Variants in TBC1D23 observed in about 807,000 individuals in gnomAD.
The protein encoded by TBC1D23 is TBC1 domain family member 23, also known as HCV non-structural protein 4A-transactivated protein 1.
A neutral mutation model predicts 91.4 loss-of-function variants in TBC1D23; 55 were observed. That is an observed-to-expected ratio of 0.60 (90% CI 0.48 to 0.75). TBC1D23 has a LOEUF of 0.75. Ranked by LOEUF, TBC1D23 falls within the 30% of genes least tolerant of loss-of-function variation. TBC1D23 has a pLI of 0.00. For synonymous variants in TBC1D23, 289 were observed against 281.0 expected, an observed-to-expected ratio of 1.03 and a Z score of -0.28; for missense variants, 725 against 836.1, an observed-to-expected ratio of 0.87 and a Z score of 1.64.
At chr3:100,269,698 A>G (rs554627794) in intron 1 of TBC1D23, among the ~76,000 whole-genome samples, 1 of 152,330 alleles carries the variant, frequency 6.6e-6, no homozygotes, top group East Asian at 1.9e-4. Context: ...AGAACTAATT[A>G]AGGAGTTTTG....
At position 100,283,669 on chromosome 3, in the gene TBC1D23, A is replaced by G; in HGVS notation, c.334A>G (p.Thr112Ala). 1 of 1,613,622 alleles carries G rather than the reference A, an allele frequency of 6.2e-7. No individual in the cohort carries two copies. The highest frequency in any genetic ancestry group is 8.5e-7 in the Non-Finnish European group (1 of 1,179,514). Residue 112 changes from threonine (T) to alanine (A), a missense_variant, in exon 4 of 19, where the codon ACC (threonine) becomes GCC (alanine). Thr to Ala is a moderately conservative substitution (Grantham distance 58). Coordinates refer to ENST00000394144, the MANE Select transcript of TBC1D23 (RefSeq NM_001199198.3). ...ACTTTTGGATATTGAATCTGTAATT[A>G]CCTTTTATTGTAAATCACGTAACAT... Reference protein sequence around the residue: ...ELLLDIESVITFYCKSRNIKY... With the variant: ...ELLLDIESVIAFYCKSRNIKY...
intron 17 of TBC1D23, among the ~76,000 whole-genome samples, chr3:100,320,050 A>T (rs892933377): frequency 6.6e-6 from 1 of 152,028 alleles, no homozygotes; most frequent in Non-Finnish European, 1.5e-5. Context: ...GATCCAGTTC[A>T]TGGTTTACAC....
chr3:100,302,102 A>G lies in TBC1D23; in HGVS notation c.1128A>G (p.Val376=), dbSNP rs770340808. 6.2e-7 allele frequency: 1 copy of G among 1,613,790 alleles called. No individual in the cohort carries two copies. Among genetic ancestry groups the G allele is most frequent in the Admixed American group, 1.7e-5 (1 of 59,952 alleles). The stretch of plus-strand genomic sequence containing the variant: ...ATCCATCTGAGTTTGCACAGTCAGT[A>G]AAATCCTTGCTGGAAGCACAGAAGC... The part of the protein sequence containing the change: ...LQNPSEFAQS[V]KSLLEAQKQS... The change falls in exon 11 of 19, where the codon GTA becomes GTG. Residue 376 remains valine (V), a synonymous_variant. Coordinates refer to ENST00000394144, the MANE Select transcript of TBC1D23 (RefSeq NM_001199198.3).
At chr3:100,263,952 A>G (rs2067536191) in intron 1 of TBC1D23, among the ~76,000 whole-genome samples, 1 of 152,052 alleles carries the variant, frequency 6.6e-6, no homozygotes, top group Non-Finnish European at 1.5e-5. Flanking sequence ...TGCTGGTTTC[A>G]TTTTCATGAA....
rs148926200 is a variant in TBC1D23 at position 100,320,942 on chromosome 3, T to G, written c.1989T>G (p.Ala663=). 134 of 1,599,760 alleles carry G rather than the reference T, an allele frequency of 8.4e-5. No homozygotes were observed. In the African/African-American group the frequency reaches 1.6e-3, roughly 19 times the overall value. Residue 663 remains alanine, a synonymous_variant, in exon 18 of 19, where the codon GCT becomes GCG. Transcript: ENST00000394144. The part of the protein sequence containing the change: ...LITFKYGNSS[A]SGIEILAIER... ...CCTTCAAGTATGGAAATAGCAGTGC[T>G]TCAGGAATAGAAATCTTGGCAATCG...
At chr3:100,318,435 C>T (rs1383761455) in intron 16 of TBC1D23, among the ~76,000 whole-genome samples, 2 of 152,018 alleles carry the variant, frequency 1.3e-5, no homozygotes, top group African/African-American at 4.8e-5. Context: ...TTTAACAATT[C>T]AGCCATCTCT....
chr3:100,276,605 A>G (rs1043948734), intron 1 of TBC1D23, among the ~76,000 whole-genome samples: 2 of 152,196 alleles, frequency 1.3e-5, no homozygotes, highest in Non-Finnish European at 2.9e-5. Flanking sequence ...TATAAATATT[A>G]AACTATTTCC....
At chr3:100,262,984 AG>A (rs754911264) in intron 1 of TBC1D23, among the ~76,000 whole-genome samples, 24 of 152,308 alleles carry the variant, frequency 1.6e-4, no homozygotes, top group Admixed American at 2.6e-4. Context: ...GAGATGGGAA[AG>A]GCCTCTGAAT....
Position 100,306,541 on chromosome 3 carries a change from G to C in TBC1D23, c.1411G>C (p.Asp471His). 1 of 1,568,836 alleles carries C rather than the reference G, an allele frequency of 6.4e-7. No individual in the cohort carries two copies. Among genetic ancestry groups the C allele is most frequent in the Non-Finnish European group, 8.8e-7 (1 of 1,139,216 alleles). The change falls in exon 13 of 19, where the codon GAT becomes CAT. Residue 471 changes from aspartate (D) to histidine (H), a missense_variant and splice_region_variant. By Grantham distance (81) the Asp-to-His change is moderately conservative. Transcript: ENST00000394144. ...CTCAAGGAGCAGTATCAATTCTGTT[G>C]ATGTAAGTATATGTAGAGAATATGT... The part of the protein sequence containing the change: ...SGSRSSINSV[D>H]GESPNGSSDR...
Position 100,310,495 on chromosome 3 carries a change from G to C in TBC1D23, c.1506G>C (p.Arg502Ser), listed in dbSNP as rs144063482. The change falls in exon 14 of 19, where the codon AGG (arginine) becomes AGC (serine). Residue 502 changes from arginine (R) to serine (S), a missense_variant. Arg to Ser is a moderately radical substitution (Grantham distance 110). Coordinates refer to ENST00000394144, the MANE Select transcript of TBC1D23 (RefSeq NM_001199198.3). ...TGAAGACAAAATCCGTTAATGTCAG[G>C]GAAAAAGTTATCAGTTTTATAGAGA... ...VALKTKSVNVREKVISFIENT... is the reference protein window; with the variant it reads ...VALKTKSVNVSEKVISFIENT... 5 of 1,613,476 alleles carry C rather than the reference G, an allele frequency of 3.1e-6. No homozygotes were observed. The highest frequency in any genetic ancestry group is 4.2e-6 in the Non-Finnish European group (5 of 1,179,688).
Position 100,320,773 on chromosome 3 carries a change from C to T in TBC1D23, c.1824-4C>T. The T allele has an allele frequency of 6.9e-7, 1 of 1,444,776 alleles. No individual in the cohort carries two copies. The highest frequency in any genetic ancestry group is 9.1e-7 in the Non-Finnish European group (1 of 1,093,176). 89.5% of individuals were successfully genotyped at this position (1,444,776 alleles called of 1,614,324 possible). A position where few individuals can be genotyped will look rare whatever the true frequency, so the allele number is the denominator to read the frequency against. On this transcript the variant is annotated splice_region_variant and splice_polypyrimidine_tract_variant and intron_variant, in intron 17 of 18. Coordinates refer to ENST00000394144, the MANE Select transcript of TBC1D23 (RefSeq NM_001199198.3). Reference sequence around the variant, plus strand: ...TTTTCTTTTAATGCTTTTTTTGTCTCAAGTCATCTGTTGGTTACTGCAACA... The same window carrying T: ...TTTTCTTTTAATGCTTTTTTTGTCTTAAGTCATCTGTTGGTTACTGCAACA...
At chr3:100,299,368 CT>C (rs752805876) in intron 10 of TBC1D23, 37 bp downstream of exon 10, 7 of 1,350,318 alleles carry the variant, frequency 5.2e-6, no homozygotes, top group South Asian at 1.3e-5. Context: ...CTTAAAGTAA[CT>C]TTTTTTCCTT....
At chr3:100,311,756 A>G (rs1705628624) in intron 14 of TBC1D23, 77 bp from the exon 15 acceptor site, 2 of 948,680 alleles carry the variant, frequency 2.1e-6, no homozygotes, top group East Asian at 2.6e-5. Flanking sequence ...ACTAAACTGT[A>G]CCATATTTTT....
In TBC1D23 at chr3:100,289,701, A is replaced by G. The variant is rs147018655; in HGVS notation, c.477-877A>G. The stretch of plus-strand genomic sequence containing the variant: ...TGAGATGCTTCCTGAGATGATGACT[A>G]GAAACTGTAGGAAATCCATGGCCCA... On this transcript the variant is annotated intron_variant, in intron 4 of 18. Coordinates refer to ENST00000394144, the MANE Select transcript of TBC1D23 (RefSeq NM_001199198.3). 7.2e-3 allele frequency among the ~76,000 whole-genome samples: 1,094 copies of G among 152,306 alleles called. 7 individuals carry two copies. Among genetic ancestry groups the G allele is most frequent in the Non-Finnish European group, 0.012 (805 of 68,026 alleles).
intron 13 of TBC1D23, 98 bp downstream of exon 13, chr3:100,306,641 C>A: frequency 1.5e-6 from 1 of 648,698 alleles, no homozygotes; most frequent in African/African-American, 1.8e-5. Context: ...GGAGTCAAAA[C>A]ATTTCAAACA....
intron 3 of TBC1D23, among the ~76,000 whole-genome samples, chr3:100,282,431 A>G (rs2067703004): frequency 6.6e-6 from 1 of 152,240 alleles, no homozygotes; most frequent in Non-Finnish European, 1.5e-5. Context: ...TTAAAGATCT[A>G]TATGATTGTA....
intron 15 of TBC1D23, among the ~76,000 whole-genome samples, chr3:100,315,549 A>AG (rs1333716866): frequency 6.6e-6 from 1 of 152,252 alleles, no homozygotes; most frequent in African/African-American, 2.4e-5. Context: ...TAATAAAAAA[A>AG]TGTGAAGATA....
At chr3:100,270,237 G>GT (rs1177422665) in intron 1 of TBC1D23, among the ~76,000 whole-genome samples, 2 of 152,168 alleles carry the variant, frequency 1.3e-5, no homozygotes, top group African/African-American at 4.8e-5. Context: ...CGTGTTGAAG[G>GT]TTTGAATAAA....
chr3:100,286,501 C>CTTTTTTTTTTTTTT (rs11370481), intron 4 of TBC1D23, among the ~76,000 whole-genome samples: 8 of 146,362 alleles, frequency 5.5e-5, no homozygotes, highest in Non-Finnish European at 1.2e-4. Flanking sequence ...AACATATCTT[C>CTTTTTTTTTTTTTT]TTTTTTTTTT....
Sources: gnomAD v4.1 joint callset for allele counts (sites outside exome capture counted in the v4.1 genomes callset) on GRCh38, gnomAD v4.1.1 for gene constraint, MANE v1.5 for transcripts, NCBI Gene and HGNC (gene_info 2026-07-23, HGNC 2026-07-21) for gene names.